FAM151A: variants seen among roughly 807,000 people sequenced by gnomAD.
The protein encoded by FAM151A is family with sequence similarity 151 member A, also known as protein FAM151A.
A neutral mutation model predicts 40.4 loss-of-function variants in FAM151A; 41 were observed. That is an observed-to-expected ratio of 1.01 (90% CI 0.79 to 1.32). The LOEUF (loss-of-function observed/expected upper bound fraction) is 1.32, where lower values mean the gene tolerates loss of function less well. Ranked by LOEUF, FAM151A falls within the 40% of genes most tolerant of loss-of-function variation. The probability of loss-of-function intolerance (pLI) is 0.00; values close to 1 mark genes in which losing one functional copy is unlikely to be tolerated. For synonymous variants in FAM151A, 337 were observed against 312.5 expected, an observed-to-expected ratio of 1.08 and a Z score of -0.83; for missense variants, 740 against 740.4, an observed-to-expected ratio of 1.00 and a Z score of 0.01.
intron 1 of FAM151A, 119 bp from the exon 2 acceptor site, chr1:54,620,126 G>C (rs1342233307): frequency 9.3e-7 from 1 of 1,080,666 alleles, no homozygotes; most frequent in Non-Finnish European, 1.3e-6. Flanking sequence ...TCTGGCAGAG[G>C]GACGGTGAGG....
rs1305962849 is a variant in FAM151A, at chr1:54,610,205, G to A, written c.1084+207C>T. 2.8e-6 allele frequency: 4 copies of A among 1,435,436 alleles called. No homozygotes were observed. The Admixed American group carries it at 8.6e-5, about 31-fold the overall frequency. 88.9% of individuals were successfully genotyped at this position (1,435,436 alleles called of 1,614,324 possible). A position where few individuals can be genotyped will look rare whatever the true frequency, so the allele number is the denominator to read the frequency against. On this transcript the variant is annotated intron_variant, in intron 7 of 7. Coordinates refer to ENST00000302250, the MANE Select transcript of FAM151A (RefSeq NM_176782.3). ...CGGCCTTGCCTGCAGCAATGTAGCT[G>A]AGGACTGGTCTGAAGGCCAGGAGCC...
chr1:54,610,573 G>A lies in FAM151A; in HGVS notation c.941-18C>T, dbSNP rs753630325. On this transcript the variant is annotated intron_variant, in intron 6 of 7. Transcript: ENST00000302250. ...GGCATTCACTGTGGGGCCCCAAATC[G>A]CCAAGGTGAAGTGGCTGCCATTCAC... 24 of 1,606,412 alleles carry A rather than the reference G, an allele frequency of 1.5e-5. No homozygotes were observed. Among genetic ancestry groups the A allele is most frequent in the African/African-American group, 4.0e-5 (3 of 74,822 alleles).
chr1:54,614,840 C>G lies in FAM151A; in HGVS notation c.435G>C (p.Lys145Asn), dbSNP rs780188651. The change falls in exon 4 of 8, where the codon AAG becomes AAC. Residue 145 changes from lysine to asparagine, a missense_variant. By Grantham distance (94) the Lys-to-Asn change is moderately conservative. Coordinates refer to ENST00000302250, the MANE Select transcript of FAM151A (RefSeq NM_176782.3). Reference sequence around the variant, plus strand: ...GGGAGGGGCCCACTGCCTTGATGTTCTTGAAGTCCAGTTTGATGCCTGTGG... The same window carrying G: ...GGGAGGGGCCCACTGCCTTGATGTTGTTGAAGTCCAGTTTGATGCCTGTGG... ...SSQKGIKLDF[K>N]NIKAVGPSLD... 2 of 1,613,644 alleles carry G rather than the reference C, an allele frequency of 1.2e-6. No individual in the cohort carries two copies. Among genetic ancestry groups the G allele is most frequent in the African/African-American group, 2.7e-5 (2 of 74,878 alleles).
In FAM151A at chr1:54,615,941, C is replaced by T. The variant is rs138272421; in HGVS notation, c.415+79G>A. 2.5e-3 allele frequency: 3,743 copies of T among 1,475,638 alleles called. 6 individuals are homozygous for T. Among genetic ancestry groups the T allele is most frequent in the Non-Finnish European group, 3.4e-3 (3,601 of 1,070,874 alleles). The allele number at this position is 1,475,638 out of a possible 1,614,324, so 91.4% of individuals were successfully genotyped here. A position where few individuals can be genotyped will look rare whatever the true frequency, so the allele number is the denominator to read the frequency against. ...CCTCGTGTCAGGGCTGGACTTGCTT[C>T]CCAGTGAGGGATCTCTGCACATGCT... is the stretch of plus-strand genomic sequence containing the variant. On this transcript the variant is annotated intron_variant, in intron 3 of 7. Transcript: ENST00000302250.
At chr1:54,618,231 C>T (rs993903658) in intron 2 of FAM151A, among the ~76,000 whole-genome samples, 9 of 152,246 alleles carry the variant, frequency 5.9e-5, no homozygotes, top group East Asian at 1.9e-4. Flanking sequence ...CAGCCGGGCG[C>T]GGTGGCTCAG....
Position 54,620,011 on chromosome 1 carries a change from GA to G in FAM151A, c.119-5del, listed in dbSNP as rs200147461. ...CTGCAGGCCTCCAGCTCACAGCCTG[GA>G]AGGAATCCCAAGGGGCTGTTAGCGT... On this transcript the variant is annotated splice_region_variant and splice_polypyrimidine_tract_variant and intron_variant, in intron 1 of 7. Coordinates refer to ENST00000302250, the MANE Select transcript of FAM151A (RefSeq NM_176782.3). 0.17 allele frequency: 267,450 copies of G among 1,613,032 alleles called. 24,729 individuals carry two copies. The highest frequency in any genetic ancestry group is 0.19 in the Non-Finnish European group (228,669 of 1,179,218).
rs775212406 is a variant in FAM151A at position 54,609,533 on chromosome 1, AG to A, written c.1492del (p.Leu498Ter). The A allele has an allele frequency of 3.2e-5, 52 of 1,612,866 alleles. No homozygotes were observed. Among genetic ancestry groups the A allele is most frequent in the Non-Finnish European group, 4.3e-5 (51 of 1,180,028 alleles). ...TTGCCAGAGCCCCTGGCACAACTCT[AG>A]CATATCTGTGAGCAGCTGTTCCCTG... Reference protein sequence around the residue: ...GYREQLLTDMLELCQGLWQPV... With the variant: ...GYREQLLTDMXELCQGLWQPV... On this transcript the variant is annotated frameshift_variant, in exon 8 of 8. Transcript: ENST00000302250. LOFTEE classifies it low-confidence loss of function (END_TRUNC).
chr1:54,611,793 C>A, intron 5 of FAM151A, 48 bp from the exon 6 acceptor site: 1 of 1,609,354 alleles, frequency 6.2e-7, no homozygotes, highest in Non-Finnish European at 8.5e-7. Flanking sequence ...CCAGCAAGAC[C>A]CTCAGCCCCA....
chr1:54,615,931 G>T, intron 3 of FAM151A, 89 bp downstream of exon 3: 1 of 1,377,780 alleles, frequency 7.3e-7, no homozygotes, highest in Non-Finnish European at 1.0e-6. Flanking sequence ...TGTCAGGGCT[G>T]GACTTGCTTC....
rs771738348 is a variant in FAM151A at position 54,609,524 on chromosome 1, CACA to C, written c.1499_1501del (p.Leu500del). ...GGACACAGGTTGCCAGAGCCCCTGG[CACA>C]ACTCTAGCATATCTGTGAGCAGCTG... is the stretch of plus-strand genomic sequence containing the variant. On this transcript the variant is annotated inframe_deletion, in exon 8 of 8. Transcript: ENST00000302250. The C allele has an allele frequency of 6.2e-7, 1 of 1,613,046 alleles. No homozygotes were observed. The highest frequency in any genetic ancestry group is 2.2e-5 in the East Asian group (1 of 44,880).
intron 4 of FAM151A, among the ~76,000 whole-genome samples, chr1:54,613,183 C>T (rs1052545325): frequency 1.3e-5 from 2 of 151,926 alleles, no homozygotes; most frequent in African/African-American, 2.4e-5. Context: ...AGTTCGAGAC[C>T]AGCCTGACCA....
intron 5 of FAM151A, 25 bp downstream of exon 5, chr1:54,612,461 T>TG: frequency 6.6e-7 from 1 of 1,508,126 alleles, no homozygotes; most frequent in East Asian, 2.4e-5. Flanking sequence ...TCCAGGAGGG[T>TG]GGGGGTGGGT....
intron 6 of FAM151A, among the ~76,000 whole-genome samples, chr1:54,611,265 T>C (rs940253366): frequency 1.3e-5 from 2 of 151,994 alleles, no homozygotes; most frequent in Admixed American, 1.3e-4. Context: ...TGAAACCCCA[T>C]CTCTATTAAA....
chr1:54,618,699 A>G (rs1439800338), intron 2 of FAM151A, among the ~76,000 whole-genome samples: 2 of 152,114 alleles, frequency 1.3e-5, no homozygotes, highest in Non-Finnish European at 2.9e-5. Context: ...GGAAGGGGAC[A>G]TGGAGTCAAT....
intron 4 of FAM151A, among the ~76,000 whole-genome samples, chr1:54,613,824 A>G (rs771800756): frequency 6.6e-6 from 1 of 152,214 alleles, no homozygotes. Context: ...GAGAAGCACA[A>G]TAATAAATTG....
At position 54,614,732 on chromosome 1, in the gene FAM151A, G is replaced by A. The variant is rs145581174; in HGVS notation, c.543C>T (p.Asn181=). The change falls in exon 4 of 8, where the codon AAC becomes AAT. Residue 181 remains asparagine, a synonymous_variant. Coordinates refer to ENST00000302250, the MANE Select transcript of FAM151A (RefSeq NM_176782.3). Reference sequence around the variant, plus strand: ...CATTGACCTCAGTTGAGATGAGCATGTTGGGGCCCTTTAAGATGTCAGCGT... The same window carrying A: ...CATTGACCTCAGTTGAGATGAGCATATTGGGGCCCTTTAAGATGTCAGCGT... ...WINADILKGP[N]MLISTEVNAT... The A allele has an allele frequency of 5.5e-4, 887 of 1,613,986 alleles. 1 individual carries two copies. Among genetic ancestry groups the A allele is most frequent in the Non-Finnish European group, 7.0e-4 (822 of 1,179,994 alleles).
rs1557676085 is a variant in FAM151A at position 54,623,360 on chromosome 1, G to C, written c.36C>G (p.Val12=). ...VCREQLSKNQ[V]KWVFAGITCV... Reference sequence around the variant, plus strand: ...AGGTAATGCCGGCAAACACCCACTTGACCTGATTCTTTGATAACTGCTCCC... The same window carrying C: ...AGGTAATGCCGGCAAACACCCACTTCACCTGATTCTTTGATAACTGCTCCC... The change falls in exon 1 of 8, where the codon GTC becomes GTG. Residue 12 remains valine, a synonymous_variant. Transcript: ENST00000302250. 1 of 1,613,894 alleles carries C rather than the reference G, an allele frequency of 6.2e-7. No individual in the cohort carries two copies. Among genetic ancestry groups the C allele is most frequent in the Admixed American group, 1.7e-5 (1 of 59,988 alleles).
intron 6 of FAM151A, chr1:54,611,111 A>G (rs1644112820): frequency 2.6e-6 from 2 of 763,680 alleles, no homozygotes; most frequent in Non-Finnish European, 3.2e-6. Context: ...CTGTTTCTCT[A>G]TAAAATGGAA....
rs774600452 is a variant in FAM151A at position 54,609,264 on chromosome 1, G to T, written c.*4C>A. The T allele has an allele frequency of 1.9e-6, 3 of 1,600,924 alleles. No homozygotes were observed. The African/African-American group carries it at 4.0e-5, about 21-fold the overall frequency. On this transcript the variant is annotated 3_prime_UTR_variant, in exon 8 of 8. Coordinates refer to ENST00000302250, the MANE Select transcript of FAM151A (RefSeq NM_176782.3). ...AGGTCCGCTGGCCCACCACCCCTGG[G>T]TGCTCAGTTTCTACCAACATGAGCC... is the stretch of plus-strand genomic sequence containing the variant.
Sources: allele counts gnomAD v4.1 joint callset (sites outside exome capture counted in the v4.1 genomes callset), GRCh38; gene constraint gnomAD v4.1.1; transcripts MANE v1.5; gene names NCBI Gene and HGNC (gene_info 2026-07-23, HGNC 2026-07-21).